DNER: variants seen among roughly 807,000 people sequenced by gnomAD.
The protein encoded by DNER is delta and Notch-like epidermal growth factor-related receptor.
DNER carries 33 observed loss-of-function variants against 78.2 expected under a neutral mutation model. The observed-to-expected ratio is 0.42, with a 90% confidence interval of 0.32 to 0.56. The LOEUF is 0.56. DNER is among the 20% of genes least tolerant of loss of function. The pLI is 0.11. For missense variants in DNER, 918 were observed against 975.3 expected (o/e 0.94, Z 0.78); for synonymous variants, 417 against 384.8 (o/e 1.08, Z -0.98).
rs370380223 is a variant in DNER, at chr2:229,543,546, T to C, written c.993+3401A>G. 1.4e-4 allele frequency among the ~76,000 whole-genome samples: 21 copies of C among 152,316 alleles called. 1 individual carries two copies. In the East Asian group the frequency reaches 3.3e-3, roughly 24 times the overall value. ...AAATTCTGGTTCCTCTTACAGGACATTTCTCTCGTGCCAATATTAACTTTT... is the reference window on the plus strand; with the variant it reads ...AAATTCTGGTTCCTCTTACAGGACACTTCTCTCGTGCCAATATTAACTTTT... On this transcript the variant is annotated intron_variant, in intron 5 of 12. Coordinates refer to ENST00000341772, the MANE Select transcript of DNER (RefSeq NM_139072.4).
At chr2:229,627,065 G>T (rs1698357733) in intron 1 of DNER, among the ~76,000 whole-genome samples, 1 of 152,184 alleles carries the variant, frequency 6.6e-6, no homozygotes, top group Non-Finnish European at 1.5e-5. Flanking sequence ...TGGTCCCAAT[G>T]AATTTATCAG....
intron 1 of DNER, among the ~76,000 whole-genome samples, chr2:229,655,636 G>A (rs374407576): frequency 2.6e-5 from 4 of 152,248 alleles, no homozygotes; most frequent in African/African-American, 7.2e-5. Flanking sequence ...TAGACTGAAC[G>A]GTGACCACCC....
chr2:229,712,536 G>A (rs1280429497), intron 1 of DNER, among the ~76,000 whole-genome samples: 5 of 152,148 alleles, frequency 3.3e-5, no homozygotes, highest in Admixed American at 6.5e-5. Context: ...AAATTCAGAC[G>A]TGTGAATATA....
chr2:229,587,683 T>C (rs1697527624), intron 3 of DNER, among the ~76,000 whole-genome samples: 1 of 152,108 alleles, frequency 6.6e-6, no homozygotes, highest in Non-Finnish European at 1.5e-5. Flanking sequence ...TGGTAGTCAA[T>C]GGCAACTGAA....
chr2:229,517,365 A>G (rs1201586406), intron 5 of DNER, among the ~76,000 whole-genome samples: 1 of 152,216 alleles, frequency 6.6e-6, no homozygotes, highest in Non-Finnish European at 1.5e-5. Flanking sequence ...TATAAATGGC[A>G]TGGGGAAAAA....
intron 6 of DNER, among the ~76,000 whole-genome samples, chr2:229,495,058 A>G (rs1272427636): frequency 6.6e-6 from 1 of 152,198 alleles, no homozygotes; most frequent in African/African-American, 2.4e-5. Context: ...ATATAGATAG[A>G]TTGAGAATTT....
At chr2:229,449,350 T>C (rs537093056) in intron 7 of DNER, among the ~76,000 whole-genome samples, 8 of 152,350 alleles carry the variant, frequency 5.3e-5, no homozygotes, top group African/African-American at 1.7e-4. Context: ...AATCTTTTAA[T>C]TTTAGACAAT....
intron 5 of DNER, among the ~76,000 whole-genome samples, chr2:229,514,251 C>A (rs1205677069): frequency 6.6e-6 from 1 of 152,118 alleles, no homozygotes; most frequent in Admixed American, 6.5e-5. Context: ...TCACACTGAG[C>A]TTTTAGTACA....
At chr2:229,554,926 A>AAG (rs1696826932) in intron 4 of DNER, among the ~76,000 whole-genome samples, 1 of 53,980 alleles carries the variant, frequency 1.9e-5, no homozygotes, top group Non-Finnish European at 3.6e-5. Context: ...AGAAGAGAAG[A>AAG]GAAGAGAAGA....
intron 1 of DNER, among the ~76,000 whole-genome samples, chr2:229,608,769 G>C (rs1697993997): frequency 6.6e-6 from 1 of 152,042 alleles, no homozygotes; most frequent in African/African-American, 2.4e-5. Context: ...GAGGGTGGCG[G>C]GCTTTAACTG....
At chr2:229,645,763 C>T (rs1309571934) in intron 1 of DNER, among the ~76,000 whole-genome samples, 2 of 152,196 alleles carry the variant, frequency 1.3e-5, no homozygotes, top group African/African-American at 4.8e-5. Context: ...TATTTCCTGA[C>T]CTTGTGCCAA....
intron 1 of DNER, among the ~76,000 whole-genome samples, chr2:229,662,766 G>C (rs1699029559): frequency 6.6e-6 from 1 of 152,198 alleles, no homozygotes; most frequent in Non-Finnish European, 1.5e-5. Flanking sequence ...GAGCAACCAA[G>C]CTCCCCAAAT....
chr2:229,483,114 G>C (rs548729179), intron 6 of DNER, among the ~76,000 whole-genome samples: 2 of 152,270 alleles, frequency 1.3e-5, no homozygotes, highest in African/African-American at 2.4e-5. Context: ...ATAATAGGGA[G>C]AGGTGGCCTA....
chr2:229,705,332 A>G (rs1699809669), intron 1 of DNER, among the ~76,000 whole-genome samples: 1 of 152,250 alleles, frequency 6.6e-6, no homozygotes, highest in Non-Finnish European at 1.5e-5. Flanking sequence ...AGGAACTGTG[A>G]GCAAAAGATA....
At chr2:229,405,428 T>C (rs1245892055) in intron 10 of DNER, among the ~76,000 whole-genome samples, 2 of 152,176 alleles carry the variant, frequency 1.3e-5, no homozygotes, top group Admixed American at 6.6e-5. Context: ...ATAAGATAAG[T>C]ACACAAAGAT....
intron 1 of DNER, among the ~76,000 whole-genome samples, chr2:229,632,523 A>T (rs1698449694): frequency 6.6e-6 from 1 of 152,212 alleles, no homozygotes. Context: ...CAAGATGCAG[A>T]TTTCATTCAT....
At chr2:229,473,362 C>G (rs1694965415) in intron 7 of DNER, among the ~76,000 whole-genome samples, 1 of 152,110 alleles carries the variant, frequency 6.6e-6, no homozygotes, top group African/African-American at 2.4e-5. Context: ...AGAATATATT[C>G]AGAGATGGTA....
chr2:229,644,931 CA>C (rs1698688538), intron 1 of DNER, among the ~76,000 whole-genome samples: 1 of 151,900 alleles, frequency 6.6e-6, no homozygotes, highest in African/African-American at 2.4e-5. Context: ...TTTGTTGACA[CA>C]AATAGAGCTA....
At chr2:229,664,486 A>AAAT (rs973409343) in intron 1 of DNER, among the ~76,000 whole-genome samples, 3 of 152,068 alleles carry the variant, frequency 2.0e-5, no homozygotes, top group Non-Finnish European at 2.9e-5. Context: ...CTGTATTTAA[A>AAAT]AATAATAATA....
Sources: gnomAD v4.1 joint callset for allele counts (sites outside exome capture counted in the v4.1 genomes callset) on GRCh38, gnomAD v4.1.1 for gene constraint, MANE v1.5 for transcripts, NCBI Gene and HGNC (gene_info 2026-07-23, HGNC 2026-07-21) for gene names.